The following TBC1D22A variants were observed in gnomAD, a reference collection of about 807,000 sequenced individuals.
TBC1D22A encodes the protein TBC1 domain family member 22A.
A neutral mutation model predicts 60.2 loss-of-function variants in TBC1D22A; 38 were observed. The ratio of observed to expected loss-of-function variants is 0.63; its 90% confidence interval spans 0.49 to 0.83. The LOEUF (loss-of-function observed/expected upper bound fraction) is 0.83. Ranked by LOEUF, TBC1D22A falls within the 40% of genes least tolerant of loss-of-function variation. The pLI, the probability that TBC1D22A is intolerant of heterozygous loss-of-function variation, is 0.00. For missense variants in TBC1D22A, 628 were observed against 701.0 expected (o/e 0.90, Z 1.18); for synonymous variants, 302 against 281.7 (o/e 1.07, Z -0.72).
At chr22:46,986,502 G>A (rs1008923023) in intron 9 of TBC1D22A, among the ~76,000 whole-genome samples, 1 of 151,510 alleles carries the variant, frequency 6.6e-6, no homozygotes. Context: ...CTTCTTACCC[G>A]TGAGCGTAGT....
chr22:46,942,120 ATGGGGGC>A (rs1018768582), intron 8 of TBC1D22A, among the ~76,000 whole-genome samples: 1 of 151,220 alleles, frequency 6.6e-6, no homozygotes, highest in African/African-American at 2.4e-5. Context: ...CTTGAATAGC[ATGGGGGC>A]TGGGGGCACC....
At chr22:47,012,966 G>A (rs1030727242) in intron 10 of TBC1D22A, among the ~76,000 whole-genome samples, 4 of 152,162 alleles carry the variant, frequency 2.6e-5, no homozygotes, top group Non-Finnish European at 5.9e-5. Flanking sequence ...CCAGTCTGTC[G>A]TATGGCTTTT....
intron 8 of TBC1D22A, among the ~76,000 whole-genome samples, chr22:46,958,156 G>C (rs954699615): frequency 6.6e-6 from 1 of 152,136 alleles, no homozygotes; most frequent in Non-Finnish European, 1.5e-5. Flanking sequence ...CCCAAGGATT[G>C]ACCGTTTCTT....
chr22:47,103,233 AAGAAGG>A (rs1291992134), intron 11 of TBC1D22A, among the ~76,000 whole-genome samples: 1 of 152,136 alleles, frequency 6.6e-6, no homozygotes, highest in Non-Finnish European at 1.5e-5. Context: ...GATTAGAATG[AAGAAGG>A]GGTCACAGAG....
chr22:47,076,178 A>G (rs1189332180), intron 11 of TBC1D22A, among the ~76,000 whole-genome samples: 1 of 152,048 alleles, frequency 6.6e-6, no homozygotes, highest in Non-Finnish European at 1.5e-5. Flanking sequence ...ACAACAGTAC[A>G]AAAACAAGCT....
rs2067262121 is a variant in TBC1D22A, at chr22:47,145,692, T to G, written c.1426-27806T>G. The stretch of plus-strand genomic sequence containing the variant: ...ATTTGCCAGCTTTTAAATTTCATAG[T>G]TTGTTCTGATTTTTTTCTAAGTAAG... On this transcript the variant is annotated intron_variant, in intron 12 of 12. Transcript: ENST00000337137. Among the ~76,000 whole-genome samples the G allele has an allele frequency of 2.0e-5, 3 of 152,128 alleles. No individual in the cohort carries two copies. In the South Asian group the frequency reaches 6.2e-4, roughly 31 times the overall value.
chr22:47,015,103 G>A (rs1425339976), intron 10 of TBC1D22A, among the ~76,000 whole-genome samples: 2 of 152,252 alleles, frequency 1.3e-5, no homozygotes, highest in Non-Finnish European at 2.9e-5. Context: ...CAAACTGGAC[G>A]CAGCAGGGTG....
At chr22:46,982,694 C>T (rs2074562591) in intron 9 of TBC1D22A, among the ~76,000 whole-genome samples, 1 of 152,188 alleles carries the variant, frequency 6.6e-6, no homozygotes, top group African/African-American at 2.4e-5. Context: ...TGGCACTGCC[C>T]TGAGGGACGT....
At chr22:46,796,358 C>T (rs1356033687) in intron 3 of TBC1D22A, among the ~76,000 whole-genome samples, 2 of 152,132 alleles carry the variant, frequency 1.3e-5, no homozygotes, top group African/African-American at 4.8e-5. Context: ...AATGGGGGTG[C>T]TCTGTGGGAA....
chr22:47,065,656 A>ACGAGGACTTAGCAGGCCTCGGAGTG, intron 11 of TBC1D22A, among the ~76,000 whole-genome samples: 3 of 145,638 alleles, frequency 2.1e-5, no homozygotes, highest in South Asian at 2.2e-4. Context: ...GGTTGGATTG[A>ACGAGGACTTAGCAGGCCTCGGAGTG]GGGAGACCTG....
At chr22:46,979,604 A>G (rs1475006188) in intron 9 of TBC1D22A, among the ~76,000 whole-genome samples, 1 of 152,182 alleles carries the variant, frequency 6.6e-6, no homozygotes, top group African/African-American at 2.4e-5. Context: ...TAATAGTAAG[A>G]TGAGTGACCT....
chr22:47,063,097 G>A (rs974372010), intron 11 of TBC1D22A, among the ~76,000 whole-genome samples: 3 of 152,312 alleles, frequency 2.0e-5, no homozygotes, highest in African/African-American at 7.2e-5. Flanking sequence ...AGGAGCAGCA[G>A]GACTCGGTGG....
chr22:47,165,552 C>T (rs916444474), intron 12 of TBC1D22A, among the ~76,000 whole-genome samples: 1 of 150,508 alleles, frequency 6.6e-6, no homozygotes, highest in African/African-American at 2.5e-5. Context: ...GGCTCTAGAG[C>T]AGGCATGTCG....
At chr22:46,853,530 G>C (rs548844165) in intron 4 of TBC1D22A, among the ~76,000 whole-genome samples, 2 of 152,340 alleles carry the variant, frequency 1.3e-5, no homozygotes, top group East Asian at 3.9e-4. Flanking sequence ...GCGTGAGGGA[G>C]TGAGGGCTTC....
At chr22:46,935,770 C>G (rs7285662) in intron 8 of TBC1D22A, among the ~76,000 whole-genome samples, 23,506 of 152,066 alleles carry the variant, frequency 0.15, 2,047 homozygotes, top group African/African-American at 0.24. Context: ...CGCGCTGTCT[C>G]CTGGGCCCTC....
intron 1 of TBC1D22A, among the ~76,000 whole-genome samples, chr22:46,773,191 T>TGGGGCCTCCCGGA (rs2083564015): frequency 6.6e-6 from 1 of 152,322 alleles, no homozygotes; most frequent in Non-Finnish European, 1.5e-5. Context: ...CGTGGAGATC[T>TGGGGCCTCCCGGA]GCATCGTGCA....
intron 4 of TBC1D22A, among the ~76,000 whole-genome samples, chr22:46,812,559 C>T (rs957236227): frequency 6.6e-6 from 1 of 152,226 alleles, no homozygotes; most frequent in Non-Finnish European, 1.5e-5. Context: ...CTGCCCACCC[C>T]TGTGGGGACT....
At chr22:47,098,567 C>G (rs1250027901) in intron 11 of TBC1D22A, among the ~76,000 whole-genome samples, 1 of 152,122 alleles carries the variant, frequency 6.6e-6, no homozygotes, top group Non-Finnish European at 1.5e-5. Flanking sequence ...CCCCCCGACT[C>G]CATGTACCAG....
chr22:47,148,565 T>TC (rs1307105140), intron 12 of TBC1D22A, among the ~76,000 whole-genome samples: 1 of 146,612 alleles, frequency 6.8e-6, no homozygotes, highest in Non-Finnish European at 1.5e-5. Flanking sequence ...GGGGTTCCTT[T>TC]CCTGGGGTCC....
Sources: gnomAD v4.1 joint callset for allele counts (sites outside exome capture counted in the v4.1 genomes callset) on GRCh38, gnomAD v4.1.1 for gene constraint, MANE v1.5 for transcripts, NCBI Gene and HGNC (gene_info 2026-07-23, HGNC 2026-07-21) for gene names.